The following NXNL2 variants were observed in gnomAD, a reference collection of about 807,000 sequenced individuals.
NXNL2 encodes the protein nucleoredoxin like 2.
NXNL2 carries 7 observed loss-of-function variants against 11.1 expected under a neutral mutation model. The ratio of observed to expected loss-of-function variants is 0.63; its 90% CI spans 0.36 to 1.18. The LOEUF is 1.18. Among genes scored for constraint, NXNL2 ranks in the 50% most tolerant of loss-of-function variants. The pLI is 0.02. For synonymous variants in NXNL2, 109 were observed against 101.8 expected (o/e 1.07, Z -0.42); for missense variants, 233 against 217.7 (o/e 1.07, Z -0.44).
chr9:88,558,133 A>C (rs548584628), intron 1 of NXNL2, among the ~76,000 whole-genome samples: 54 of 152,278 alleles, frequency 3.5e-4, no homozygotes, highest in Non-Finnish European at 6.6e-4. Context: ...TCCCAGGGGA[A>C]CCAACCATGT....
At chr9:88,565,897 C>G (rs928333835) in intron 1 of NXNL2, among the ~76,000 whole-genome samples, 3 of 152,158 alleles carry the variant, frequency 2.0e-5, no homozygotes, top group Admixed American at 1.3e-4. Flanking sequence ...GGTGATATCT[C>G]ATTGTGGTTT....
At chr9:88,538,471 GC>G (rs1385475019) in intron 1 of NXNL2, 1 of 152,276 alleles carries the variant, frequency 6.6e-6, no homozygotes, top group Non-Finnish European at 1.5e-5. Flanking sequence ...GGAGGATGCA[GC>G]TTTGTGGCTC....
downstream of NXNL2, among the ~76,000 whole-genome samples, chr9:88,577,434 G>A (rs925818823): frequency 1.3e-5 from 2 of 152,058 alleles, no homozygotes; most frequent in African/African-American, 4.8e-5. Flanking sequence ...AGAACTGCAG[G>A]TGCCAGCTCA....
chr9:88,548,339 CAAAAAAAAAAAAAAAAAAAAAAAAAA>C (rs60796870), downstream of NXNL2, among the ~76,000 whole-genome samples: 162 of 31,070 alleles, frequency 5.2e-3, 1 homozygote, highest in Non-Finnish European at 7.7e-3. Flanking sequence ...GACTTTTTCT[CAAAAAAAAAAAAAAAAAAAAAAAAAA>C]AAAAAAAAAA....
chr9:88,563,003 G>A (rs547746098), intron 1 of NXNL2, among the ~76,000 whole-genome samples: 13 of 148,632 alleles, frequency 8.7e-5, no homozygotes, highest in African/African-American at 2.7e-4. Flanking sequence ...CAGGAGAATC[G>A]CTTGAACCCA....
At chr9:88,581,900 T>C (rs1463986373) in intron 1 of NXNL2, among the ~76,000 whole-genome samples, 3 of 152,222 alleles carry the variant, frequency 2.0e-5, no homozygotes, top group Non-Finnish European at 4.4e-5. Flanking sequence ...TTTTTCAAGG[T>C]GAGCCTAACC....
chr9:88,547,410 C>T (rs1000696208), downstream of NXNL2, among the ~76,000 whole-genome samples: 15 of 152,124 alleles, frequency 9.9e-5, no homozygotes, highest in Non-Finnish European at 1.8e-4. Context: ...AGAGAACACA[C>T]GTATACACCA....
In NXNL2 at chr9:88,535,449, G is replaced by C; in HGVS notation, c.15G>C (p.Leu5=). The change falls in exon 1 of 2, where the codon CTG becomes CTC. Residue 5 remains leucine, a synonymous_variant. Transcript: ENST00000375854. MVDI[L]GERHLVTCKG... is the part of the protein sequence containing the mutation. ...GTGTCTGCGCCATGGTTGACATTCTGGGCGAGCGGCACCTGGTGACCTGTA... is the reference window on the plus strand; with the variant it reads ...GTGTCTGCGCCATGGTTGACATTCTCGGCGAGCGGCACCTGGTGACCTGTA... The C allele has an allele frequency of 1.2e-6, 2 of 1,602,274 alleles. No homozygotes were observed. Among genetic ancestry groups the C allele is most frequent in the Non-Finnish European group, 1.7e-6 (2 of 1,175,414 alleles).
At chr9:88,546,214 C>T (rs923910494), downstream of NXNL2, among the ~76,000 whole-genome samples, 2 of 150,534 alleles carry the variant, frequency 1.3e-5, no homozygotes, top group South Asian at 2.1e-4. Flanking sequence ...GGTAGAGAAA[C>T]GGCCCTCCTG....
At chr9:88,548,627 G>A (rs920043818), downstream of NXNL2, among the ~76,000 whole-genome samples, 4 of 147,594 alleles carry the variant, frequency 2.7e-5, no homozygotes, top group African/African-American at 1.0e-4. Context: ...AGCTTGCAGT[G>A]AGCCGAGATG....
chr9:88,551,727 G>A (rs564184827), intron 1 of NXNL2, among the ~76,000 whole-genome samples: 2 of 152,306 alleles, frequency 1.3e-5, no homozygotes, highest in East Asian at 3.9e-4. Context: ...TTAACGCTGA[G>A]CTCCCCTATA....
intron 1 of NXNL2, among the ~76,000 whole-genome samples, chr9:88,565,071 T>C (rs1830148943): frequency 6.6e-6 from 1 of 152,216 alleles, no homozygotes; most frequent in South Asian, 2.1e-4. Flanking sequence ...TCCTGTGAGT[T>C]TGACTACTTT....
intron 1 of NXNL2, among the ~76,000 whole-genome samples, chr9:88,567,208 G>A (rs1327693828): frequency 6.6e-6 from 1 of 152,056 alleles, no homozygotes; most frequent in South Asian, 2.1e-4. Context: ...ACGTAACCTA[G>A]GTTCACTGCA....
chr9:88,584,445 G>A (rs1036199072), downstream of NXNL2, among the ~76,000 whole-genome samples: 2 of 152,136 alleles, frequency 1.3e-5, no homozygotes, highest in Non-Finnish European at 2.9e-5. Flanking sequence ...TAATCCTGCC[G>A]GGCATCTTAA....
downstream of NXNL2, among the ~76,000 whole-genome samples, chr9:88,549,876 G>C (rs1220656851): frequency 6.6e-6 from 1 of 152,064 alleles, no homozygotes; most frequent in African/African-American, 2.4e-5. Flanking sequence ...TCGTTGCCCA[G>C]GCTGGAGTAT....
intron 2 of NXNL2, among the ~76,000 whole-genome samples, chr9:88,571,776 C>T (rs960839828): frequency 6.6e-6 from 1 of 152,190 alleles, no homozygotes; most frequent in African/African-American, 2.4e-5. Context: ...TCCTTGAACA[C>T]CTGGGGGCAT....
At chr9:88,550,467 GT>G (rs1829915288) in intron 1 of NXNL2, among the ~76,000 whole-genome samples, 1 of 152,226 alleles carries the variant, frequency 6.6e-6, no homozygotes, top group African/African-American at 2.4e-5. Context: ...TGGCTTACAT[GT>G]AAGGGTTTTT....
At chr9:88,541,970 C>G (rs1452756476) in intron 1 of NXNL2, among the ~76,000 whole-genome samples, 1 of 152,034 alleles carries the variant, frequency 6.6e-6, no homozygotes, top group Non-Finnish European at 1.5e-5. Context: ...GTGGCTCATG[C>G]CTGTAATCCC....
At chr9:88,581,862 G>C (rs2118560957) in intron 1 of NXNL2, among the ~76,000 whole-genome samples, 1 of 152,334 alleles carries the variant, frequency 6.6e-6, no homozygotes, top group South Asian at 2.1e-4. Flanking sequence ...TGATGTCTAT[G>C]CTTTTCTCTA....
Sources: allele counts gnomAD v4.1 joint callset (sites outside exome capture counted in the v4.1 genomes callset), GRCh38; gene constraint gnomAD v4.1.1; transcripts MANE v1.5; gene names NCBI Gene and HGNC (gene_info 2026-07-23, HGNC 2026-07-21).